MEIOC: variants seen among roughly 807,000 people sequenced by gnomAD.
MEIOC encodes meiosis-specific coiled-coil domain-containing protein MEIOC.
MEIOC carries 9 observed loss-of-function variants against 85.3 expected under a neutral mutation model. That is an observed-to-expected ratio of 0.11 (90% CI 0.06 to 0.18). The LOEUF (loss-of-function observed/expected upper bound fraction) is 0.18. Among genes scored for constraint, MEIOC ranks in the 10% least tolerant of loss-of-function variants. The pLI is 1.00. For synonymous variants in MEIOC, 365 were observed against 393.7 expected, an observed-to-expected ratio of 0.93 and a Z score of 0.86; for missense variants, 898 against 1,129.4, an observed-to-expected ratio of 0.80 and a Z score of 2.94.
chr17:44,668,314 G>A, intron 5 of MEIOC, 81 bp downstream of exon 5: 1 of 1,242,580 alleles, frequency 8.0e-7, no homozygotes, highest in Non-Finnish European at 1.1e-6. Flanking sequence ...TGTAGTGTAA[G>A]AGTACTTGCC....
rs575320977 is a variant in MEIOC at position 44,659,252 on chromosome 17, A to G, written c.204+1991A>G. Among the ~76,000 whole-genome samples, 14 of 152,326 alleles carry G rather than the reference A, an allele frequency of 9.2e-5. 1 individual carries two copies. The South Asian group carries it at 2.7e-3, about 29-fold the overall frequency. On this transcript the variant is annotated intron_variant, in intron 2 of 7. Transcript: ENST00000409122. The stretch of plus-strand genomic sequence containing the variant: ...TATTATTATGCCACTGTACAGATTG[A>G]GAAACTGAGCCTCAGAGAGCTTGAT...
intron 6 of MEIOC, among the ~76,000 whole-genome samples, chr17:44,672,563 G>A (rs569234452): frequency 1.3e-5 from 2 of 152,246 alleles, no homozygotes; most frequent in South Asian, 4.1e-4. Flanking sequence ...ACCAAGTTCT[G>A]CTATCAATTG....
At chr17:44,658,208 G>A (rs1971792225) in intron 2 of MEIOC, among the ~76,000 whole-genome samples, 1 of 144,934 alleles carries the variant, frequency 6.9e-6, no homozygotes, top group Admixed American at 7.0e-5. Flanking sequence ...AGGCTGGAGT[G>A]CAGTGACGCA....
At chr17:44,658,792 CAAA>C (rs545961771) in intron 2 of MEIOC, among the ~76,000 whole-genome samples, 8 of 70,884 alleles carry the variant, frequency 1.1e-4, no homozygotes, top group South Asian at 4.9e-4. Context: ...GACTCCCTCT[CAAA>C]AAAAAAAAAA....
At chr17:44,660,463 TG>T (rs1971828709) in intron 2 of MEIOC, among the ~76,000 whole-genome samples, 1 of 152,110 alleles carries the variant, frequency 6.6e-6, no homozygotes, top group Admixed American at 6.5e-5. Flanking sequence ...GTTAAACTCC[TG>T]ACCTCAGGTG....
At chr17:44,659,120 A>T (rs1971811465) in intron 2 of MEIOC, among the ~76,000 whole-genome samples, 1 of 152,188 alleles carries the variant, frequency 6.6e-6, no homozygotes, top group Non-Finnish European at 1.5e-5. Context: ...AGTAATTTTC[A>T]TTTGAAATTA....
chr17:44,664,093 G>A (rs12943790), intron 3 of MEIOC, among the ~76,000 whole-genome samples: 3,194 of 152,134 alleles, frequency 0.021, 55 homozygotes, highest in Non-Finnish European at 0.029. Context: ...GTACAGGGCC[G>A]GGATTGGTGG....
chr17:44,659,138 A>G (rs1287822627), intron 2 of MEIOC, among the ~76,000 whole-genome samples: 4 of 152,210 alleles, frequency 2.6e-5, no homozygotes, highest in Admixed American at 2.6e-4. Context: ...TTATTTAACC[A>G]GGACATCAAT....
rs9907151 is a variant in MEIOC at position 44,666,870 on chromosome 17, A to C, written c.959A>C (p.Asn320Thr). Residue 320 changes from asparagine (N) to threonine (T), a missense_variant, in exon 5 of 8, where the codon AAT (asparagine) becomes ACT (threonine). Transcript: ENST00000409122. ...TTTCTTTCTCAATTTAATAGATACA[A>C]TGAAAATGTAGATTATTGTAGATAC... is the stretch of plus-strand genomic sequence containing the variant. ...EMFLSQFNRY[N>T]ENVDYCRYPE... The C allele has an allele frequency of 0.2, 315,871 of 1,608,722 alleles. 34,058 individuals carry two copies. The highest frequency in any genetic ancestry group is 0.42 in the African/African-American group (31,633 of 74,866).
chr17:44,676,593 C>T (rs112658004), downstream of MEIOC, among the ~76,000 whole-genome samples: 460 of 152,082 alleles, frequency 3.0e-3, 3 homozygotes, highest in African/African-American at 0.01. Flanking sequence ...GAGGCTGAGG[C>T]GGGTGGATCA....
chr17:44,672,050 G>A (rs1482407707), intron 6 of MEIOC, among the ~76,000 whole-genome samples: 1 of 151,862 alleles, frequency 6.6e-6, no homozygotes, highest in Admixed American at 6.6e-5. Flanking sequence ...ACAAGATCTT[G>A]GCTCACTGCA....
At chr17:44,656,738 G>A (rs1440837068) in intron 1 of MEIOC, 56 bp downstream of exon 1, 4 of 1,391,332 alleles carry the variant, frequency 2.9e-6, no homozygotes, top group Non-Finnish European at 3.8e-6. Flanking sequence ...AAGAGGCGAC[G>A]AGGAGGAGAG....
At chr17:44,666,119 A>G (rs1226153802) in intron 4 of MEIOC, among the ~76,000 whole-genome samples, 2 of 152,188 alleles carry the variant, frequency 1.3e-5, no homozygotes, top group African/African-American at 2.4e-5. Context: ...ATGAAGTCAC[A>G]TATTAGGCCT....
chr17:44,665,142 G>T, intron 3 of MEIOC: 1 of 1,051,076 alleles, frequency 9.5e-7, no homozygotes. Flanking sequence ...TAAGAGGTAA[G>T]CATGCACTGT....
chr17:44,673,357 T>C lies in MEIOC; in HGVS notation c.2458-9T>C. The C allele has an allele frequency of 6.6e-7, 1 of 1,523,134 alleles. No individual in the cohort carries two copies. Among genetic ancestry groups the C allele is most frequent in the Non-Finnish European group, 8.8e-7 (1 of 1,137,536 alleles). 94.4% of individuals were successfully genotyped at this position (1,523,134 alleles called of 1,614,324 possible). A position where few individuals can be genotyped will look rare whatever the true frequency, so the allele number is the denominator to read the frequency against. Reference sequence around the variant, plus strand: ...CATGTCTTATCAAAATTTAAAATGCTTCCCTCAGGTTGTGACTTTACTAGG... The same window carrying C: ...CATGTCTTATCAAAATTTAAAATGCCTCCCTCAGGTTGTGACTTTACTAGG... On this transcript the variant is annotated splice_polypyrimidine_tract_variant and intron_variant, in intron 6 of 7. Transcript: ENST00000409122.
At chr17:44,666,195 C>CGT (rs1197530320) in intron 4 of MEIOC, among the ~76,000 whole-genome samples, 181 bp from the exon 5 acceptor site, 2 of 152,098 alleles carry the variant, frequency 1.3e-5, no homozygotes, top group Non-Finnish European at 2.9e-5. Context: ...ACATACAGCA[C>CGT]ATTTCATGTG....
rs1409261028 is a variant in MEIOC at position 44,666,889 on chromosome 17, T to C, written c.978T>C (p.Cys326=). 2 of 1,609,432 alleles carry C rather than the reference T, an allele frequency of 1.2e-6. No homozygotes were observed. The highest frequency in any genetic ancestry group is 1.7e-6 in the Non-Finnish European group (2 of 1,177,448). The change falls in exon 5 of 8, where the codon TGT becomes TGC. Residue 326 remains cysteine, a synonymous_variant. Transcript: ENST00000409122. ...GATACAATGAAAATGTAGATTATTGTAGATACCCAGAGTATGTTCATCCTA... is the reference window on the plus strand; with the variant it reads ...GATACAATGAAAATGTAGATTATTGCAGATACCCAGAGTATGTTCATCCTA... ...FNRYNENVDY[C]RYPEYVHPNK... is the part of the protein sequence containing the mutation.
intron 1 of MEIOC, 83 bp from the exon 2 acceptor site, chr17:44,657,044 G>A (rs1971768857): frequency 6.9e-7 from 1 of 1,454,584 alleles, no homozygotes; most frequent in Admixed American, 2.1e-5. Context: ...GAACAGCCGA[G>A]GTAGAACAGG....
intron 6 of MEIOC, among the ~76,000 whole-genome samples, chr17:44,671,967 A>T (rs573260276): frequency 1.3e-5 from 2 of 152,252 alleles, no homozygotes; most frequent in African/African-American, 4.8e-5. Context: ...TTGAAAAAAA[A>T]ATATTTTTTA....
Sources: gnomAD v4.1 joint callset for allele counts (sites outside exome capture counted in the v4.1 genomes callset) on GRCh38, gnomAD v4.1.1 for gene constraint, MANE v1.5 for transcripts, NCBI Gene and HGNC (gene_info 2026-07-23, HGNC 2026-07-21) for gene names.